TTLL11: variants seen among roughly 807,000 people sequenced by gnomAD.
TTLL11 encodes tubulin polyglutamylase TTLL11.
A neutral mutation model predicts 51.7 loss-of-function variants in TTLL11; 42 were observed. The ratio of observed to expected loss-of-function variants is 0.81; its 90% CI spans 0.64 to 1.05. TTLL11 has a LOEUF of 1.05. TTLL11 is among the 50% of genes least tolerant of loss of function. The probability of loss-of-function intolerance (pLI) is 0.00; values close to 1 mark genes in which losing one functional copy is unlikely to be tolerated. For synonymous variants in TTLL11, 381 were observed against 383.5 expected (o/e 0.99, Z 0.08); for missense variants, 799 against 940.4 (o/e 0.85, Z 1.97).
chr9:121,946,147 CTAA>C (rs1284160318), intron 6 of TTLL11, among the ~76,000 whole-genome samples: 1 of 152,158 alleles, frequency 6.6e-6, no homozygotes, highest in Non-Finnish European at 1.5e-5. Flanking sequence ...AACAGGTAAA[CTAA>C]TAATGACAAT....
chr9:122,045,382 G>T (rs1170620821), intron 1 of TTLL11, among the ~76,000 whole-genome samples: 2 of 152,054 alleles, frequency 1.3e-5, no homozygotes, highest in Non-Finnish European at 2.9e-5. Flanking sequence ...GCGAAACTCT[G>T]TCTCTACTAC....
chr9:121,933,050 G>GT (rs1841055132), intron 6 of TTLL11, among the ~76,000 whole-genome samples: 1 of 152,204 alleles, frequency 6.6e-6, no homozygotes, highest in Non-Finnish European at 1.5e-5. Flanking sequence ...GAAAATGTCG[G>GT]TTAGTTTTTC....
chr9:121,839,429 C>T (rs12343438), intron 8 of TTLL11, among the ~76,000 whole-genome samples: 1 of 152,092 alleles, frequency 6.6e-6, no homozygotes, highest in Non-Finnish European at 1.5e-5. Context: ...GGGTGATCTT[C>T]GCTTACTCAC....
intron 6 of TTLL11, among the ~76,000 whole-genome samples, chr9:121,943,384 A>C (rs566195317): frequency 6.6e-6 from 1 of 152,320 alleles, no homozygotes; most frequent in African/African-American, 2.4e-5. Flanking sequence ...TCAATAACTG[A>C]AATAAGATCT....
In TTLL11 at chr9:121,826,570, T is replaced by TAC. The variant is rs1227423668; in HGVS notation, c.1841-3692_1841-3691insGT. 1.6e-3 allele frequency among the ~76,000 whole-genome samples: 183 copies of TAC among 112,476 alleles called. 2 individuals are homozygous for TAC. In the Middle Eastern group the frequency reaches 0.02, roughly 12 times the overall value. 73.8% of individuals were successfully genotyped at this position (112,476 alleles called of 152,430 possible). On this transcript the variant is annotated intron_variant, in intron 8 of 8. Transcript: ENST00000321582. ...ATATATGTGTGTGTATATATATATA[T>TAC]ATATATATATATGTATATGGTTTTA...
At chr9:122,054,042 C>A (rs1337545615) in intron 1 of TTLL11, among the ~76,000 whole-genome samples, 4 of 152,192 alleles carry the variant, frequency 2.6e-5, no homozygotes, top group Non-Finnish European at 5.9e-5. Flanking sequence ...ATGAAGTTTC[C>A]TTTTCCTGTT....
intron 6 of TTLL11, among the ~76,000 whole-genome samples, chr9:121,906,914 T>C (rs1839966845): frequency 1.3e-5 from 2 of 151,926 alleles, no homozygotes; most frequent in South Asian, 4.2e-4. Flanking sequence ...CACAGTAAAA[T>C]ATAGAGTTTT....
intron 8 of TTLL11, among the ~76,000 whole-genome samples, chr9:121,826,352 T>G (rs1836771909): frequency 7.3e-6 from 1 of 136,294 alleles, no homozygotes. Flanking sequence ...GGGTTATATA[T>G]ATGGTAAAAC....
intron 6 of TTLL11, among the ~76,000 whole-genome samples, chr9:121,913,980 T>G (rs140151375): frequency 1.3e-3 from 194 of 152,292 alleles, no homozygotes; most frequent in African/African-American, 4.6e-3. Context: ...CGTTTAACTC[T>G]TACAGTAATT....
At chr9:121,991,018 G>A (rs1419079745) in intron 3 of TTLL11, among the ~76,000 whole-genome samples, 1 of 152,192 alleles carries the variant, frequency 6.6e-6, no homozygotes, top group African/African-American at 2.4e-5. Context: ...TGGAGGAAAT[G>A]TAAGGGTGGA....
At position 122,011,148 on chromosome 9, in the gene TTLL11, T is replaced by A. The variant is rs557027161; in HGVS notation, c.693+20575A>T. Among the ~76,000 whole-genome samples the A allele has an allele frequency of 2.0e-5, 3 of 152,352 alleles. No individual in the cohort carries two copies. In the South Asian group the frequency reaches 6.2e-4, roughly 32 times the overall value. ...TTTACAAGGAGTTTCTCCTTTCTCA[T>A]GGCTCTCATTCTCACTTGCCTGCCA... is the stretch of plus-strand genomic sequence containing the variant. On this transcript the variant is annotated intron_variant, in intron 3 of 8. Transcript: ENST00000321582.
At chr9:121,940,381 AG>A (rs1841405576) in intron 6 of TTLL11, among the ~76,000 whole-genome samples, 1 of 150,304 alleles carries the variant, frequency 6.7e-6, no homozygotes, top group South Asian at 2.1e-4. Flanking sequence ...TCTGTTGCCC[AG>A]GCTGGAGTGC....
chr9:122,067,026 C>G (rs1845604138), intron 1 of TTLL11, among the ~76,000 whole-genome samples: 2 of 152,136 alleles, frequency 1.3e-5, no homozygotes, highest in African/African-American at 2.4e-5. Context: ...TGGTCTCTCC[C>G]TTGACACATA....
intron 8 of TTLL11, among the ~76,000 whole-genome samples, chr9:121,857,774 CG>C (rs1477831244): frequency 1.8e-4 from 27 of 152,280 alleles, no homozygotes; most frequent in Admixed American, 1.8e-3. Context: ...GGACAGCCCC[CG>C]TGGATTCCGC....
rs185079714 is a variant in TTLL11 at position 121,817,451 on chromosome 9, T to G, written c.*5136A>C. The stretch of plus-strand genomic sequence containing the variant: ...CACTACGTTTGAGCAGCGCCTTCGT[T>G]TACAAAACACTTTCACATTGATGAC... On this transcript the variant is annotated 3_prime_UTR_variant, in exon 9 of 9. Coordinates refer to ENST00000321582, the MANE Select transcript of TTLL11 (RefSeq NM_001139442.2). 5.6e-4 allele frequency: 85 copies of G among 152,346 alleles called. 1 individual carries two copies. Among genetic ancestry groups the G allele is most frequent in the African/African-American group, 1.8e-3 (73 of 41,572 alleles). The allele number at this position is 152,346 out of a possible 1,614,324, so 9.4% of individuals were successfully genotyped here.
Position 121,989,762 on chromosome 9 carries a change from C to T in TTLL11, c.702G>A (p.Met234Ile). The change falls in exon 4 of 9, where the codon ATG becomes ATA. Residue 234 changes from methionine (M) to isoleucine (I), a missense_variant. By Grantham distance (10) the Met-to-Ile change is conservative (BLOSUM62 1). This residue lies in a region of TTLL11 where 468 missense variants were observed against 612.8 expected (regional missense o/e 0.76). Transcript: ENST00000321582. This position sits in a 1 kb window ranked among gnomAD's most constrained non-coding sequence, Gnocchi z 4.2. ...TCCAGGAGGGGTCATCGTCTTTCAC[C>T]ATTTGAACCTGGAGGGGGAAAAAAG... ...EFQLFVAQVQ[M>I]VKDDDPSWKP... 6.3e-7 allele frequency: 1 copy of T among 1,595,086 alleles called. No homozygotes were observed. The highest frequency in any genetic ancestry group is 8.6e-7 in the Non-Finnish European group (1 of 1,169,122).
intron 6 of TTLL11, among the ~76,000 whole-genome samples, chr9:121,891,092 C>G (rs1216601278): frequency 6.6e-6 from 1 of 152,216 alleles, no homozygotes; most frequent in Non-Finnish European, 1.5e-5. Context: ...CTGTTTTTAA[C>G]CCCTTTTGAA....
intron 8 of TTLL11, among the ~76,000 whole-genome samples, chr9:121,829,577 T>A (rs1281528308): frequency 6.6e-6 from 1 of 151,968 alleles, no homozygotes; most frequent in East Asian, 1.9e-4. Flanking sequence ...GTGATCACAA[T>A]CCTAGGAATT....
At chr9:122,043,766 G>C (rs1168074661) in intron 1 of TTLL11, among the ~76,000 whole-genome samples, 1 of 151,838 alleles carries the variant, frequency 6.6e-6, no homozygotes, top group Non-Finnish European at 1.5e-5. Context: ...AGAGTGAAAA[G>C]GTAACCCACA....
Sources: gnomAD v4.1 joint callset for allele counts (sites outside exome capture counted in the v4.1 genomes callset) on GRCh38, gnomAD v4.1.1 for gene constraint, gnomAD v4.1.1 regional missense constraint, Gnocchi (gnomAD v3.1) non-coding constraint, MANE v1.5 for transcripts, NCBI Gene and HGNC (gene_info 2026-07-23, HGNC 2026-07-21) for gene names.